SMARCA4: variants seen among roughly 807,000 people sequenced by gnomAD.
The protein encoded by SMARCA4 is SWI/SNF-related matrix-associated actin-dependent regulator of chromatin subfamily A member 4.
A neutral mutation model predicts 193.9 loss-of-function variants in SMARCA4; 31 were observed. That is an observed-to-expected ratio of 0.16 (90% confidence interval 0.12 to 0.22). The LOEUF is 0.22. Ranked by LOEUF, SMARCA4 falls within the 10% of genes least tolerant of loss-of-function variation. The pLI, the probability that SMARCA4 is intolerant of heterozygous loss-of-function variation, is 1.00. For missense variants in SMARCA4, 1,148 were observed against 2,296.0 expected (o/e 0.50, Z 10.22); for synonymous variants, 942 against 933.1 (o/e 1.01, Z -0.17).
rs2089681158 is a variant in SMARCA4, at chr19:11,019,621, C to G, written c.2536C>G (p.Pro846Ala). 1 of 1,612,976 alleles carries G rather than the reference C, an allele frequency of 6.2e-7. No homozygotes were observed. The highest frequency in any genetic ancestry group is 1.3e-5 in the African/African-American group (1 of 75,046). ...GSPAARRAFVPQLRSGKFNVL... is the reference protein window; with the variant it reads ...GSPAARRAFVAQLRSGKFNVL... ...CCCAGCAGCAAGACGGGCCTTTGTC[C>G]CCCAGCTCCGGAGTGGGAAGTTCAA... The change falls in exon 18 of 35, where the codon CCC (proline) becomes GCC (alanine). Residue 846 changes from proline (P) to alanine (A), a missense_variant. This residue lies in a region of SMARCA4 where 54 missense variants were observed against 123.3 expected (regional missense o/e 0.44). Transcript: ENST00000344626. This position sits in a 1 kb window ranked among gnomAD's most constrained non-coding sequence, Gnocchi z 6.1.
intron 32 of SMARCA4, 58 bp from the exon 33 acceptor site, chr19:11,059,695 C>T (rs576972039): frequency 9.1e-6 from 14 of 1,538,996 alleles, no homozygotes; most frequent in African/African-American, 4.1e-5. Context: ...GGGCCAGGGC[C>T]GGGCAGGCAG....
intron 8 of SMARCA4, among the ~76,000 whole-genome samples, chr19:10,994,143 G>A (rs1390002000): frequency 6.6e-6 from 1 of 150,522 alleles, no homozygotes; most frequent in African/African-American, 2.4e-5. Flanking sequence ...GGATTCAAGC[G>A]ATTCCCCTGC....
intron 30 of SMARCA4, among the ~76,000 whole-genome samples, chr19:11,043,785 C>T (rs1643997741): frequency 6.6e-6 from 1 of 152,174 alleles, no homozygotes; most frequent in South Asian, 2.1e-4. Flanking sequence ...ACCAGTCTGG[C>T]CAACATGGCA....
intron 1 of SMARCA4, among the ~76,000 whole-genome samples, chr19:10,966,314 A>C: frequency 6.6e-6 from 1 of 151,768 alleles, no homozygotes; most frequent in Non-Finnish European, 1.5e-5. Context: ...TGTTCAGCCG[A>C]GTGTGGTGGC....
At chr19:11,047,410 G>GT (rs71164138) in intron 30 of SMARCA4, among the ~76,000 whole-genome samples, 24,053 of 143,762 alleles carry the variant, frequency 0.17, 2,922 homozygotes, top group African/African-American at 0.34. Context: ...GTGTCCAGAG[G>GT]TTTTTTTTTT....
At chr19:11,008,834 C>T (rs956795128) in intron 14 of SMARCA4, among the ~76,000 whole-genome samples, 2 of 151,504 alleles carry the variant, frequency 1.3e-5, no homozygotes, top group Non-Finnish European at 2.9e-5. Flanking sequence ...ATTAGCTGGG[C>T]GTGGTGGCGT....
chr19:10,985,210 A>G lies in SMARCA4; in HGVS notation c.223-63A>G. On this transcript the variant is annotated intron_variant, in intron 2 of 34. Coordinates refer to ENST00000344626, the MANE Select transcript of SMARCA4 (RefSeq NM_003072.5). The surrounding 1 kb of genome is among the most constrained non-coding windows in gnomAD (Gnocchi z 4.5). ...CCCTCGAGCTTCTCTCGGGCAGCGC[A>G]TAGCTGCGCTGCCACCTCACGTTCC... 6 of 1,591,380 alleles carry G rather than the reference A, an allele frequency of 3.8e-6. No homozygotes were observed. The highest frequency in any genetic ancestry group is 1.7e-5 in the Admixed American group (1 of 59,934).
intron 30 of SMARCA4, among the ~76,000 whole-genome samples, chr19:11,046,432 A>G (rs1224361251): frequency 2.0e-5 from 3 of 152,160 alleles, no homozygotes; most frequent in African/African-American, 4.8e-5. Context: ...CTGTGTTTTC[A>G]ATTTAACCTC....
At chr19:11,002,523 A>T (rs1345136951) in intron 11 of SMARCA4, among the ~76,000 whole-genome samples, 1 of 151,840 alleles carries the variant, frequency 6.6e-6, no homozygotes, top group Non-Finnish European at 1.5e-5. Flanking sequence ...TGGGCCGAGC[A>T]TAGTGGCTCA....
At chr19:10,967,718 C>G (rs934822939) in intron 1 of SMARCA4, among the ~76,000 whole-genome samples, 1 of 126,680 alleles carries the variant, frequency 7.9e-6, no homozygotes, top group Non-Finnish European at 1.6e-5. Flanking sequence ...CAGTTGTACT[C>G]TTTTCTCCCA....
intron 32 of SMARCA4, chr19:11,059,308 G>A (rs1172346661): frequency 9.9e-6 from 3 of 304,044 alleles, no homozygotes; most frequent in East Asian, 1.7e-4. Flanking sequence ...GTTCTTTCCT[G>A]TGATAGAATT....
At chr19:11,052,847 G>A (rs1477114858) in intron 30 of SMARCA4, among the ~76,000 whole-genome samples, 1 of 152,162 alleles carries the variant, frequency 6.6e-6, no homozygotes, top group Non-Finnish European at 1.5e-5. Context: ...TCTTCCCCTG[G>A]CACTGGGAAA....
At chr19:11,061,378 G>A (rs931410420) in intron 34 of SMARCA4, among the ~76,000 whole-genome samples, 6 of 151,568 alleles carry the variant, frequency 4.0e-5, no homozygotes, top group African/African-American at 9.7e-5. Flanking sequence ...CGAGAGGGCC[G>A]AGTGTGGTCA....
intron 15 of SMARCA4, chr19:11,011,243 T>C (rs1030611761): frequency 1.2e-4 from 18 of 153,946 alleles, no homozygotes; most frequent in Admixed American, 7.0e-4. Flanking sequence ...TTTTTTTTTT[T>C]TGAAACGGAG....
At position 11,058,226 on chromosome 19, in the gene SMARCA4, G is replaced by A. The variant is rs1323107678; in HGVS notation, c.4425-29G>A. 3.9e-6 allele frequency: 6 copies of A among 1,533,864 alleles called. No homozygotes were observed. The highest frequency in any genetic ancestry group is 4.5e-6 in the Non-Finnish European group (5 of 1,112,248). ...GGGGCTCCCGGGTGGGCGGACTCGG[G>A]GGTGATAGCCGCCGGTTCTGCCTTG... On this transcript the variant is annotated intron_variant, in intron 30 of 34. Coordinates refer to ENST00000344626, the MANE Select transcript of SMARCA4 (RefSeq NM_003072.5). The surrounding 1 kb of genome is among the most constrained non-coding windows in gnomAD (Gnocchi z 5.8).
rs746602808 is a variant in SMARCA4 at position 10,985,355 on chromosome 19, G to T, written c.305G>T (p.Gly102Val). 6.8e-6 allele frequency: 11 copies of T among 1,614,054 alleles called. No individual in the cohort carries two copies. The highest frequency in any genetic ancestry group is 3.3e-4 in the Middle Eastern group (2 of 6,062). ...AAAGGAATGGGGATGCGGTCAGGGG[G>T]CCATGCTGGGATGGGGCCCCCGCCC... Reference protein sequence around the residue: ...QMKGMGMRSGGHAGMGPPPSP... With the variant: ...QMKGMGMRSGVHAGMGPPPSP... The change falls in exon 3 of 35, where the codon GGC becomes GTC. Residue 102 changes from glycine to valine, a missense_variant. Transcript: ENST00000344626. This position sits in a 1 kb window ranked among gnomAD's most constrained non-coding sequence, Gnocchi z 4.5.
At chr19:11,027,573 G>A (rs1312890670) in intron 23 of SMARCA4, among the ~76,000 whole-genome samples, 2 of 152,156 alleles carry the variant, frequency 1.3e-5, no homozygotes, top group Non-Finnish European at 2.9e-5. Context: ...CTGGTGATAC[G>A]CCTCCCCAGC....
At position 10,996,534 on chromosome 19, in the gene SMARCA4, C is replaced by T. The variant is rs777544121; in HGVS notation, c.1802C>T (p.Pro601Leu). 25 of 1,614,108 alleles carry T rather than the reference C, an allele frequency of 1.5e-5. No individual in the cohort carries two copies. The highest frequency in any genetic ancestry group is 1.9e-5 in the Non-Finnish European group (23 of 1,179,966). ...NAEGQTPAIG[P>L]DGEPLDETSQ... ...GAAGGACAGACGCCTGCCATTGGGC[C>T]GGATGGCGAGGTGAGGAAGCAGGGT... Residue 601 changes from proline (P) to leucine (L), a missense_variant, in exon 11 of 35, where the codon CCG (proline) becomes CTG (leucine). By Grantham distance (98) the Pro-to-Leu change is moderately conservative. Transcript: ENST00000344626.
chr19:11,042,096 G>A (rs1369336029), intron 30 of SMARCA4, among the ~76,000 whole-genome samples: 4 of 152,188 alleles, frequency 2.6e-5, no homozygotes, highest in African/African-American at 7.2e-5. Context: ...GTGAGATGGT[G>A]GCCACACTCC....
Sources: allele counts gnomAD v4.1 joint callset (sites outside exome capture counted in the v4.1 genomes callset), GRCh38; gene constraint gnomAD v4.1.1; regional missense constraint gnomAD v4.1.1; non-coding constraint Gnocchi (gnomAD v3.1); transcripts MANE v1.5; gene names NCBI Gene and HGNC (gene_info 2026-07-23, HGNC 2026-07-21).